WIF1: variants seen among roughly 807,000 people sequenced by gnomAD.
WIF1 encodes Wnt inhibitory factor 1.
WIF1 carries 35 observed loss-of-function variants against 53.5 expected under a neutral mutation model. That is an observed-to-expected ratio of 0.65 (90% CI 0.50 to 0.87). The LOEUF is 0.87. WIF1 is among the 40% of genes least tolerant of loss of function. The pLI is 0.00. For synonymous variants in WIF1, 171 were observed against 170.4 expected, an observed-to-expected ratio of 1.00 and a Z score of -0.03; for missense variants, 467 against 476.8, an observed-to-expected ratio of 0.98 and a Z score of 0.19.
At chr12:65,097,727 C>G (rs2136633821) in intron 2 of WIF1, among the ~76,000 whole-genome samples, 1 of 152,264 alleles carries the variant, frequency 6.6e-6, no homozygotes, top group East Asian at 1.9e-4. Flanking sequence ...TCTAAATTAT[C>G]TCCTGACCAG....
At chr12:65,109,279 A>T (rs1883395466) in intron 2 of WIF1, among the ~76,000 whole-genome samples, 1 of 152,202 alleles carries the variant, frequency 6.6e-6, no homozygotes, top group Non-Finnish European at 1.5e-5. Flanking sequence ...GCAGATAAGT[A>T]ATTGCAAATT....
In WIF1 at chr12:65,064,317, T is replaced by C. The variant is rs1474692359; in HGVS notation, c.731-1741A>G. On this transcript the variant is annotated intron_variant, in intron 6 of 9. Coordinates refer to ENST00000286574, the MANE Select transcript of WIF1 (RefSeq NM_007191.5). Reference sequence around the variant, plus strand: ...TTGTATTGTCATGAGCAAGCTTCTCTACATTTCTGTTGTGCAATGATTCTT... The same window carrying C: ...TTGTATTGTCATGAGCAAGCTTCTCCACATTTCTGTTGTGCAATGATTCTT... Among the ~76,000 whole-genome samples the C allele has an allele frequency of 2.0e-5, 3 of 152,230 alleles. No individual in the cohort carries two copies. The East Asian group carries it at 5.8e-4, about 29-fold the overall frequency.
At chr12:65,114,176 A>ATT (rs56141350) in intron 2 of WIF1, among the ~76,000 whole-genome samples, 45 of 150,446 alleles carry the variant, frequency 3.0e-4, no homozygotes, top group East Asian at 2.7e-3. Flanking sequence ...TATTTTTTTT[A>ATT]TTTTTTTTTG....
At chr12:65,055,976 C>T in intron 8 of WIF1, 55 bp downstream of exon 8, 1 of 1,513,626 alleles carries the variant, frequency 6.6e-7, no homozygotes, top group Non-Finnish European at 9.1e-7. Context: ...GTGAGAGACT[C>T]CTGCTAGTTT....
At chr12:65,066,539 A>G (rs1480409859) in intron 6 of WIF1, 102 bp downstream of exon 6, 3 of 925,242 alleles carry the variant, frequency 3.2e-6, no homozygotes, top group African/African-American at 1.7e-5. Context: ...TAAGCCATAC[A>G]TTCTCAGAGC....
chr12:65,078,810 A>G lies in WIF1; in HGVS notation c.289-956T>C, dbSNP rs147206711. On this transcript the variant is annotated intron_variant, in intron 2 of 9. Coordinates refer to ENST00000286574, the MANE Select transcript of WIF1 (RefSeq NM_007191.5). ...TCAAATGGCCATGAATACTGAAAGT[A>G]ATGATGCATAATCTCACTATAGAGC... is the stretch of plus-strand genomic sequence containing the variant. Among the ~76,000 whole-genome samples the G allele has an allele frequency of 2.6e-4, 39 of 152,326 alleles. No homozygotes were observed. The East Asian group carries it at 4.6e-3, about 18-fold the overall frequency.
At chr12:65,066,936 T>C (rs1882696242) in intron 5 of WIF1, among the ~76,000 whole-genome samples, 200 bp from the exon 6 acceptor site, 1 of 152,026 alleles carries the variant, frequency 6.6e-6, no homozygotes, top group African/African-American at 2.4e-5. Context: ...TCTCAGCCAA[T>C]TTCTTAGAGA....
chr12:65,076,496 T>G (rs1402019904), intron 3 of WIF1, among the ~76,000 whole-genome samples: 2 of 152,200 alleles, frequency 1.3e-5, no homozygotes, highest in African/African-American at 2.4e-5. Flanking sequence ...CAATTTGTTT[T>G]AAGAGTCTTT....
intron 2 of WIF1, among the ~76,000 whole-genome samples, chr12:65,113,889 A>G (rs1003900856): frequency 6.6e-5 from 10 of 152,236 alleles, no homozygotes; most frequent in African/African-American, 2.4e-4. Flanking sequence ...ACCATGGAAC[A>G]GGGGTCAGAA....
In WIF1 at chr12:65,074,817, CAAAA is replaced by C. The variant is rs758690202; in HGVS notation, c.397+2925_397+2928del. ...TGGGTAACAGAGGGACACTCTGTCT[CAAAA>C]AAAAAAAAAAAAAAAAAGAAAAGAA... On this transcript the variant is annotated intron_variant, in intron 3 of 9. Transcript: ENST00000286574. 2.3e-3 allele frequency among the ~76,000 whole-genome samples: 127 copies of C among 55,460 alleles called. 1 individual carries two copies. Among genetic ancestry groups the C allele is most frequent in the Middle Eastern group, 0.014 (1 of 70 alleles). The allele number at this position is 55,460 out of a possible 152,430, so 36.4% of individuals were successfully genotyped here. A position where few individuals can be genotyped will look rare whatever the true frequency, so the allele number is the denominator to read the frequency against.
At chr12:65,076,234 G>A (rs1882858528) in intron 3 of WIF1, among the ~76,000 whole-genome samples, 1 of 151,838 alleles carries the variant, frequency 6.6e-6, no homozygotes, top group Admixed American at 6.6e-5. Flanking sequence ...AGACAGTCTC[G>A]CTATGTTGCC....
chr12:65,113,610 T>G (rs1267215986), intron 2 of WIF1, among the ~76,000 whole-genome samples: 1 of 152,050 alleles, frequency 6.6e-6, no homozygotes, highest in Non-Finnish European at 1.5e-5. Context: ...CTTTTTTTTT[T>G]CCTTCTGGCA....
At chr12:65,073,467 T>A (rs764717606) in intron 3 of WIF1, among the ~76,000 whole-genome samples, 7 of 152,234 alleles carry the variant, frequency 4.6e-5, no homozygotes, top group Non-Finnish European at 1.0e-4. Context: ...TTTTTTGTTA[T>A]ACAACTCAGT....
Position 65,067,797 on chromosome 12 carries a change from C to G in WIF1, c.539-7G>C, listed in dbSNP as rs1421383804. ...CACCCGCCTGGGCACTCAGCTTCAG[C>G]AGAGAGAAACAAAGCTTATATGGAC... On this transcript the variant is annotated splice_region_variant and splice_polypyrimidine_tract_variant and intron_variant, in intron 4 of 9. Coordinates refer to ENST00000286574, the MANE Select transcript of WIF1 (RefSeq NM_007191.5). The G allele has an allele frequency of 6.2e-7, 1 of 1,612,476 alleles. No homozygotes were observed. Among genetic ancestry groups the G allele is most frequent in the Admixed American group, 1.7e-5 (1 of 59,908 alleles).
At chr12:65,080,794 G>A (rs1309201236) in intron 2 of WIF1, among the ~76,000 whole-genome samples, 1 of 152,060 alleles carries the variant, frequency 6.6e-6, no homozygotes, top group Admixed American at 6.6e-5. Flanking sequence ...TGAATGGATA[G>A]AATGCAAAAA....
rs1026025 is a variant in WIF1 at position 65,055,291 on chromosome 12, A to G, written c.923-78T>C. 345,997 of 1,467,238 alleles carry G rather than the reference A, an allele frequency of 0.24. 43,632 individuals are homozygous for G. The highest frequency in any genetic ancestry group is 0.27 in the Admixed American group (11,752 of 43,526). The allele number at this position is 1,467,238 out of a possible 1,614,324, so 90.9% of individuals were successfully genotyped here. On this transcript the variant is annotated intron_variant, in intron 8 of 9. Coordinates refer to ENST00000286574, the MANE Select transcript of WIF1 (RefSeq NM_007191.5). Reference sequence around the variant, plus strand: ...GAATTACATAGTTGCTTTCCTTGCAATTCTTTAGAATGTGTTAGTTTTGGC... The same window carrying G: ...GAATTACATAGTTGCTTTCCTTGCAGTTCTTTAGAATGTGTTAGTTTTGGC...
intron 2 of WIF1, among the ~76,000 whole-genome samples, chr12:65,088,549 G>A (rs1218827940): frequency 2.0e-5 from 3 of 152,068 alleles, no homozygotes; most frequent in African/African-American, 7.2e-5. Context: ...ACTACGGTAT[G>A]GTTTTTGCCC....
intron 6 of WIF1, 105 bp from the exon 7 acceptor site, chr12:65,062,681 G>T: frequency 1.0e-6 from 1 of 990,604 alleles, no homozygotes; most frequent in Non-Finnish European, 1.5e-6. Context: ...CTTGCTACTT[G>T]CCCATTTCCT....
chr12:65,061,898 T>C (rs1882617647), intron 7 of WIF1, among the ~76,000 whole-genome samples: 1 of 152,250 alleles, frequency 6.6e-6, no homozygotes, highest in Non-Finnish European at 1.5e-5. Context: ...AAAGATGGGA[T>C]CATGCAGTAG....
Sources: gnomAD v4.1 joint callset for allele counts (sites outside exome capture counted in the v4.1 genomes callset) on GRCh38, gnomAD v4.1.1 for gene constraint, MANE v1.5 for transcripts, NCBI Gene and HGNC (gene_info 2026-07-23, HGNC 2026-07-21) for gene names.